Variants in ZNF66 observed in about 807,000 individuals in gnomAD.
The protein encoded by ZNF66 is putative zinc finger protein 66.
In ZNF66, 32 loss-of-function variants were observed where a neutral mutation model predicts 35.2. The observed-to-expected ratio is 0.91, with a 90% confidence interval of 0.69 to 1.22. The LOEUF (loss-of-function observed/expected upper bound fraction) is 1.22. Among genes scored for constraint, ZNF66 ranks in the 50% most tolerant of loss-of-function variants. The pLI, the probability that ZNF66 is intolerant of heterozygous loss-of-function variation, is 0.00. For missense variants in ZNF66, 666 were observed against 543.1 expected, an observed-to-expected ratio of 1.23 and a Z score of -2.25; for synonymous variants, 231 against 181.3, an observed-to-expected ratio of 1.27 and a Z score of -2.20.
At chr19:20,786,863 G>T (rs1296161869) in intron 1 of ZNF66, among the ~76,000 whole-genome samples, 1 of 152,166 alleles carries the variant, frequency 6.6e-6, no homozygotes. Context: ...CTGGGTTAAA[G>T]CAGTTCTTCT....
chr19:20,798,905 GA>G (rs1457804041), intron 3 of ZNF66: 2 of 151,990 alleles, frequency 1.3e-5, no homozygotes, highest in African/African-American at 4.8e-5. Context: ...TATATTTTTT[GA>G]TGTGTTTATA....
At chr19:20,801,212 A>T (rs549165423) in intron 3 of ZNF66, among the ~76,000 whole-genome samples, 1 of 151,808 alleles carries the variant, frequency 6.6e-6, no homozygotes, top group East Asian at 1.9e-4. Flanking sequence ...TGTTACTTTC[A>T]CCCTATTTGA....
chr19:20,785,201 A>G (rs1345187931), intron 1 of ZNF66: 1 of 152,202 alleles, frequency 6.6e-6, no homozygotes, highest in Admixed American at 6.5e-5. Context: ...TGTAGTTCAC[A>G]TAAAATGTGA....
In ZNF66 at chr19:20,807,925, G is replaced by A. The variant is rs936676138; in HGVS notation, c.*603G>A. 9.2e-5 allele frequency among the ~76,000 whole-genome samples: 14 copies of A among 152,174 alleles called. No homozygotes were observed. Among genetic ancestry groups the A allele is most frequent in the East Asian group, 1.9e-4 (1 of 5,192 alleles). On this transcript the variant is annotated 3_prime_UTR_variant, in exon 4 of 4. Transcript: ENST00000344519. Reference sequence around the variant, plus strand: ...CAGGGCGAGGCATTGCCTCACTCACGAAGCGCAAGGAGTCAGGGAGTTCCC... The same window carrying A: ...CAGGGCGAGGCATTGCCTCACTCACAAAGCGCAAGGAGTCAGGGAGTTCCC...
chr19:20,793,562 C>T (rs1374738924), intron 2 of ZNF66, among the ~76,000 whole-genome samples: 1 of 151,966 alleles, frequency 6.6e-6, no homozygotes, highest in Non-Finnish European at 1.5e-5. Flanking sequence ...ACCTTAGGAT[C>T]TGCCTGCCTC....
chr19:20,802,926 A>G (rs181117073), intron 3 of ZNF66, among the ~76,000 whole-genome samples: 1 of 152,280 alleles, frequency 6.6e-6, no homozygotes, highest in Admixed American at 6.5e-5. Flanking sequence ...GAAAGAATAC[A>G]TATATTGTTT....
intron 1 of ZNF66, among the ~76,000 whole-genome samples, chr19:20,778,969 T>A (rs1264484773): frequency 6.6e-6 from 1 of 152,116 alleles, no homozygotes; most frequent in Non-Finnish European, 1.5e-5. Flanking sequence ...TGCAACTGGA[T>A]ATTGAAGACT....
chr19:20,780,372 T>C (rs572592025), intron 1 of ZNF66, among the ~76,000 whole-genome samples: 13 of 152,186 alleles, frequency 8.5e-5, no homozygotes, highest in Non-Finnish European at 1.8e-4. Flanking sequence ...CATTTGGCTT[T>C]TCCTGGGCTG....
In ZNF66 at chr19:20,785,751, G is replaced by GTTT. The variant is rs1171317364; in HGVS notation, c.4-6758_4-6756dup. 1.3e-3 allele frequency among the ~76,000 whole-genome samples: 193 copies of GTTT among 148,668 alleles called. 1 individual carries two copies. The highest frequency in any genetic ancestry group is 4.7e-3 in the African/African-American group (189 of 40,130). ...TGGAGAAAATTTTTCTTCTTTTTCTGTTTTTGTTTGTTTGTTTGTTTGTTT... is the reference window on the plus strand; with the variant it reads ...TGGAGAAAATTTTTCTTCTTTTTCTGTTTTTTTTGTTTGTTTGTTTGTTTGTTT... On this transcript the variant is annotated intron_variant, in intron 1 of 3. Transcript: ENST00000344519.
chr19:20,785,360 C>G (rs1484211325), intron 1 of ZNF66, among the ~76,000 whole-genome samples: 1 of 152,212 alleles, frequency 6.6e-6, no homozygotes, highest in Non-Finnish European at 1.5e-5. Flanking sequence ...AGAGAGAATC[C>G]TATTCAACCA....
chr19:20,800,572 A>G (rs996694029), intron 3 of ZNF66, among the ~76,000 whole-genome samples: 2 of 152,116 alleles, frequency 1.3e-5, no homozygotes, highest in Non-Finnish European at 2.9e-5. Context: ...ACTCTTGGCA[A>G]CCAAAAAGAT....
At position 20,808,208 on chromosome 19, in the gene ZNF66, T is replaced by A. The variant is rs894386868; in HGVS notation, c.*886T>A. ...TGCTTAGGTAAAGCAGCTGGGAAGC[T>A]AGAACTGGGTGGAGCCCACCACAGC... is the stretch of plus-strand genomic sequence containing the variant. On this transcript the variant is annotated 3_prime_UTR_variant, in exon 4 of 4. Coordinates refer to ENST00000344519, the MANE Select transcript of ZNF66 (RefSeq NM_001355197.2). 3.3e-5 allele frequency among the ~76,000 whole-genome samples: 5 copies of A among 152,178 alleles called. No individual in the cohort carries two copies. The highest frequency in any genetic ancestry group is 1.2e-4 in the African/African-American group (5 of 41,460).
intron 3 of ZNF66, among the ~76,000 whole-genome samples, chr19:20,798,257 T>C (rs1599552664): frequency 6.6e-6 from 1 of 152,148 alleles, no homozygotes; most frequent in African/African-American, 2.4e-5. Context: ...AAAAATTGTT[T>C]TAAAAACACA....
chr19:20,798,434 T>TA (rs1243422713), intron 3 of ZNF66, among the ~76,000 whole-genome samples: 2 of 151,734 alleles, frequency 1.3e-5, no homozygotes, highest in South Asian at 2.1e-4. Flanking sequence ...CTCTCCTCTA[T>TA]AAAAAAAATT....
At chr19:20,803,933 T>A (rs1200299975) in intron 3 of ZNF66, among the ~76,000 whole-genome samples, 7 of 152,132 alleles carry the variant, frequency 4.6e-5, no homozygotes, top group Non-Finnish European at 2.9e-5. Flanking sequence ...TGCAAAAATT[T>A]TTTTGATAAA....
rs374547894 is a variant in ZNF66, at chr19:20,799,061, C to CTTTTTTTTTTTTTTTTTTTTT, written c.226+5186_226+5187insTTTTTTTTTTTTTTTTTTTTT. 4 of 116,700 alleles carry CTTTTTTTTTTTTTTTTTTTTT rather than the reference C, an allele frequency of 3.4e-5. 2 individuals carry two copies. Among genetic ancestry groups the CTTTTTTTTTTTTTTTTTTTTT allele is most frequent in the Non-Finnish European group, 3.7e-5 (2 of 54,790 alleles). The allele number at this position is 116,700 out of a possible 1,614,324, so 7.2% of individuals were successfully genotyped here. On this transcript the variant is annotated intron_variant, in intron 3 of 3. Transcript: ENST00000344519. ...TTTCTTTCTTTCTTTCTTTTTCTTT[C>CTTTTTTTTTTTTTTTTTTTTT]TTTCTTTTTTTTTTTTTTGAGATGG...
At position 20,806,790 on chromosome 19, in the gene ZNF66, A is replaced by T; in HGVS notation, c.1190A>T (p.Tyr397Phe). 7.6e-7 allele frequency: 1 copy of T among 1,314,440 alleles called. No homozygotes were observed. Among genetic ancestry groups the T allele is most frequent in the Middle Eastern group, 1.8e-4 (1 of 5,410 alleles). 81.4% of individuals were successfully genotyped at this position (1,314,440 alleles called of 1,614,324 possible). ...ATAATTCATACTGGAAAGAAACCTT[A>T]CAAATGTGAAGAATGTGGCAAAGTG... The part of the protein sequence containing the change: ...HKIIHTGKKP[Y>F]KCEECGKVFK... Residue 397 changes from tyrosine to phenylalanine, a missense_variant, in exon 4 of 4, where the codon TAC (tyrosine) becomes TTC (phenylalanine). Tyr to Phe is a conservative substitution (Grantham distance 22). Coordinates refer to ENST00000344519, the MANE Select transcript of ZNF66 (RefSeq NM_001355197.2).
At position 20,806,164 on chromosome 19, in the gene ZNF66, T is replaced by C; in HGVS notation, c.564T>C (p.Phe188=). Residue 188 remains phenylalanine, a synonymous_variant, in exon 4 of 4, where the codon TTT becomes TTC. Coordinates refer to ENST00000344519, the MANE Select transcript of ZNF66 (RefSeq NM_001355197.2). ...AAGCTTTTAACCGGTCCTCAACCTT[T>C]ACTACACATAAGAAAATTCATACTG... The part of the protein sequence containing the change: ...CGKAFNRSST[F]TTHKKIHTGE... 3.2e-6 allele frequency: 4 copies of C among 1,254,450 alleles called. No individual in the cohort carries two copies. Among genetic ancestry groups the C allele is most frequent in the Non-Finnish European group, 4.7e-6 (4 of 854,326 alleles). 77.7% of individuals were successfully genotyped at this position (1,254,450 alleles called of 1,614,324 possible).
chr19:20,790,806 T>A (rs1971330432), intron 1 of ZNF66, among the ~76,000 whole-genome samples: 1 of 152,178 alleles, frequency 6.6e-6, no homozygotes, highest in South Asian at 2.1e-4. Context: ...CTATGTCCAC[T>A]CTGCCTCCTG....
Sources: allele counts gnomAD v4.1 joint callset (sites outside exome capture counted in the v4.1 genomes callset), GRCh38; gene constraint gnomAD v4.1.1; transcripts MANE v1.5; gene names NCBI Gene and HGNC (gene_info 2026-07-23, HGNC 2026-07-21).